UBL3: variants seen among roughly 807,000 people sequenced by gnomAD.
UBL3 encodes the protein ubiquitin like 3.
In UBL3, 6 loss-of-function variants were observed where a neutral mutation model predicts 18.4. The ratio of observed to expected loss-of-function variants is 0.33; its 90% CI spans 0.18 to 0.64. UBL3 has a LOEUF of 0.64. Ranked by LOEUF, UBL3 falls within the 30% of genes least tolerant of loss-of-function variation. The probability of loss-of-function intolerance (pLI) is 0.76; values close to 1 mark genes in which losing one functional copy is unlikely to be tolerated. For missense variants in UBL3, 109 were observed against 142.9 expected, an observed-to-expected ratio of 0.76 and a Z score of 1.21; for synonymous variants, 49 against 46.6, an observed-to-expected ratio of 1.05 and a Z score of -0.21.
In UBL3 at chr13:29,780,426, A is replaced by T. The variant is rs866608187; in HGVS notation, c.28-3163T>A. Among the ~76,000 whole-genome samples the T allele has an allele frequency of 1.7e-4, 23 of 138,526 alleles. No homozygotes were observed. In the East Asian group the frequency reaches 2.8e-3, roughly 17 times the overall value. The allele number at this position is 138,526 out of a possible 152,430, so 90.9% of individuals were successfully genotyped here. A position where few individuals can be genotyped will look rare whatever the true frequency, so the allele number is the denominator to read the frequency against. On this transcript the variant is annotated intron_variant, in intron 1 of 4. Transcript: ENST00000380680. ...TGTGTGTATATATATATAATAAGTT[A>T]TATATATATATATAGCAAATAAGAA... is the stretch of plus-strand genomic sequence containing the variant.
At chr13:29,842,537 T>A (rs1057379287) in intron 1 of UBL3, among the ~76,000 whole-genome samples, 1 of 152,186 alleles carries the variant, frequency 6.6e-6, no homozygotes, top group African/African-American at 2.4e-5. Context: ...CCTAACTTGT[T>A]TCACCACAGA....
intron 1 of UBL3, among the ~76,000 whole-genome samples, chr13:29,779,035 C>A (rs905737543): frequency 6.6e-6 from 1 of 152,132 alleles, no homozygotes; most frequent in South Asian, 2.1e-4. Context: ...TAGCTGAATA[C>A]AGGAAGAGAT....
intron 1 of UBL3, among the ~76,000 whole-genome samples, chr13:29,818,322 G>A (rs1034809104): frequency 6.6e-6 from 1 of 152,150 alleles, no homozygotes; most frequent in African/African-American, 2.4e-5. Context: ...AAGTTAATAT[G>A]TGCAAAGCCT....
intron 1 of UBL3, among the ~76,000 whole-genome samples, chr13:29,798,740 T>C (rs1199975145): frequency 6.6e-6 from 1 of 152,198 alleles, no homozygotes; most frequent in Non-Finnish European, 1.5e-5. Context: ...ATATGTGAAT[T>C]CTTCTTAAAT....
intron 1 of UBL3, among the ~76,000 whole-genome samples, chr13:29,819,153 A>G (rs1008082034): frequency 5.3e-5 from 8 of 152,230 alleles, no homozygotes; most frequent in African/African-American, 1.9e-4. Flanking sequence ...AAGTTTTATT[A>G]TAATATTCTC....
At chr13:29,787,478 T>G (rs1300809321) in intron 1 of UBL3, among the ~76,000 whole-genome samples, 7 of 152,198 alleles carry the variant, frequency 4.6e-5, no homozygotes, top group Non-Finnish European at 1.0e-4. Context: ...TGAGAATTCT[T>G]GCAAATTATT....
At chr13:29,827,926 T>C (rs1410342050) in intron 1 of UBL3, among the ~76,000 whole-genome samples, 1 of 152,164 alleles carries the variant, frequency 6.6e-6, no homozygotes, top group Non-Finnish European at 1.5e-5. Context: ...TTTTATTTCT[T>C]CTTCACTTAC....
chr13:29,769,675 G>C (rs987703880), intron 3 of UBL3, among the ~76,000 whole-genome samples: 1 of 152,052 alleles, frequency 6.6e-6, no homozygotes, highest in Admixed American at 6.6e-5. Context: ...AGCTTTAGCT[G>C]ATCATCTTCT....
In UBL3 at chr13:29,772,218, CT is replaced by C; in HGVS notation, c.137-21del. ...CCCAGTCTGAAAAGAATCCAGTGTA[CT>C]GGTTAGGTATATTCCAACATATAAT... On this transcript the variant is annotated intron_variant, in intron 2 of 4. Coordinates refer to ENST00000380680, the MANE Select transcript of UBL3 (RefSeq NM_007106.4). 6.3e-7 allele frequency: 1 copy of C among 1,595,216 alleles called. No individual in the cohort carries two copies. Among genetic ancestry groups the C allele is most frequent in the South Asian group, 1.1e-5 (1 of 90,332 alleles).
Position 29,764,906 on chromosome 13 carries a change from A to G in UBL3, c.*2349T>C, listed in dbSNP as rs1395065222. On this transcript the variant is annotated 3_prime_UTR_variant, in exon 5 of 5. Coordinates refer to ENST00000380680, the MANE Select transcript of UBL3 (RefSeq NM_007106.4). ...TCCAAGGAATTATTTTTAAAGGGAC[A>G]GCTGAGTATTTCACGTATATACTAT... is the stretch of plus-strand genomic sequence containing the variant. The G allele has an allele frequency of 6.6e-6, 1 of 152,220 alleles. No homozygotes were observed. The highest frequency in any genetic ancestry group is 1.5e-5 in the Non-Finnish European group (1 of 68,036). 9.4% of individuals were successfully genotyped at this position (152,220 alleles called of 1,614,324 possible).
At chr13:29,816,988 G>C (rs1878299596) in intron 1 of UBL3, among the ~76,000 whole-genome samples, 1 of 152,086 alleles carries the variant, frequency 6.6e-6, no homozygotes, top group Non-Finnish European at 1.5e-5. Context: ...AGACGCAAAA[G>C]TTATCCTGCC....
At position 29,834,135 on chromosome 13, in the gene UBL3, C is replaced by T. The variant is rs184288844; in HGVS notation, c.27+15377G>A. On this transcript the variant is annotated intron_variant, in intron 1 of 4. Transcript: ENST00000380680. ...CCAGGAGCTTCCAGTGAGCTGAGAT[C>T]GCGCCACAGTGCACTCCAGCCTGGG... 5.9e-4 allele frequency among the ~76,000 whole-genome samples: 88 copies of T among 150,210 alleles called. No individual in the cohort carries two copies. The East Asian group carries it at 7.8e-3, about 13-fold the overall frequency.
rs925725465 is a variant in UBL3, at chr13:29,764,722, C to CA, written c.*2532dup. 4 of 152,212 alleles carry CA rather than the reference C, an allele frequency of 2.6e-5. No individual in the cohort carries two copies. The highest frequency in any genetic ancestry group is 9.6e-5 in the African/African-American group (4 of 41,454). The allele number at this position is 152,212 out of a possible 1,614,324, so 9.4% of individuals were successfully genotyped here. On this transcript the variant is annotated 3_prime_UTR_variant, in exon 5 of 5. Transcript: ENST00000380680. Reference sequence around the variant, plus strand: ...ATTTAGGTAAAAGAGATGAGTGAGACACCAGCGTTAGGCAGGGACATAGGC... The same window carrying CA: ...ATTTAGGTAAAAGAGATGAGTGAGACAACCAGCGTTAGGCAGGGACATAGGC...
At chr13:29,828,451 C>G (rs1006938221) in intron 1 of UBL3, among the ~76,000 whole-genome samples, 1 of 152,240 alleles carries the variant, frequency 6.6e-6, no homozygotes, top group Admixed American at 6.5e-5. Flanking sequence ...GACACCCTTT[C>G]TTCCAGCTGA....
chr13:29,810,539 T>C (rs1878039267), intron 1 of UBL3, among the ~76,000 whole-genome samples: 1 of 152,116 alleles, frequency 6.6e-6, no homozygotes, highest in Non-Finnish European at 1.5e-5. Context: ...TAAGTGCTGC[T>C]GAGAGGCCAA....
chr13:29,779,916 G>A lies in UBL3; in HGVS notation c.28-2653C>T, dbSNP rs111901110. On this transcript the variant is annotated intron_variant, in intron 1 of 4. Transcript: ENST00000380680. The stretch of plus-strand genomic sequence containing the variant: ...GTGAGGTCCTCGTCTGTACCACAGC[G>A]GCCTTATAAGAAGAGAAAGAGCTCG... Among the ~76,000 whole-genome samples the A allele has an allele frequency of 1.4e-3, 217 of 152,184 alleles. 2 individuals carry two copies. The highest frequency in any genetic ancestry group is 5.1e-3 in the African/African-American group (210 of 41,534).
chr13:29,800,909 A>C (rs1052213838), intron 1 of UBL3, among the ~76,000 whole-genome samples: 4 of 151,148 alleles, frequency 2.6e-5, no homozygotes, highest in Non-Finnish European at 5.9e-5. Flanking sequence ...ACTGACAGGG[A>C]CCCCCCCACG....
Position 29,835,120 on chromosome 13 carries a change from AT to A in UBL3, c.27+14391del, listed in dbSNP as rs1259880702. On this transcript the variant is annotated intron_variant, in intron 1 of 4. Coordinates refer to ENST00000380680, the MANE Select transcript of UBL3 (RefSeq NM_007106.4). ...TATATATATATAAATATATATATAT[AT>A]ATAAATATATATATATATATATATA... Among the ~76,000 whole-genome samples, 33 of 26,130 alleles carry A rather than the reference AT, an allele frequency of 1.3e-3. 3 individuals carry two copies. In the East Asian group the frequency reaches 0.019, roughly 15 times the overall value. The allele number at this position is 26,130 out of a possible 152,430, so 17.1% of individuals were successfully genotyped here. A position where few individuals can be genotyped will look rare whatever the true frequency, so the allele number is the denominator to read the frequency against.
At chr13:29,809,204 C>T (rs906294609) in intron 1 of UBL3, among the ~76,000 whole-genome samples, 1 of 151,998 alleles carries the variant, frequency 6.6e-6, no homozygotes, top group Non-Finnish European at 1.5e-5. Context: ...AAAGAAGTAA[C>T]AGGGTCAACA....
Sources: allele counts gnomAD v4.1 joint callset (sites outside exome capture counted in the v4.1 genomes callset), GRCh38; gene constraint gnomAD v4.1.1; transcripts MANE v1.5; gene names NCBI Gene and HGNC (gene_info 2026-07-23, HGNC 2026-07-21).